ITPR1: variants seen among roughly 807,000 people sequenced by gnomAD.
ITPR1 encodes the protein inositol 1,4,5-trisphosphate receptor type 1, also known as inositol 1,4,5-trisphosphate-gated calcium channel ITPR1.
A neutral mutation model predicts 318.4 loss-of-function variants in ITPR1; 96 were observed. The ratio of observed to expected loss-of-function variants is 0.30; its 90% CI spans 0.26 to 0.36. ITPR1 has a LOEUF of 0.36. Ranked by LOEUF, ITPR1 falls within the 10% of genes least tolerant of loss-of-function variation. The probability of loss-of-function intolerance (pLI) is 1.00; values close to 1 mark genes in which losing one functional copy is unlikely to be tolerated. For synonymous variants in ITPR1, 1,312 were observed against 1,289.9 expected (o/e 1.02, Z -0.37); for missense variants, 2,440 against 3,460.2 (o/e 0.71, Z 7.40).
chr3:4,660,562 G>A (rs1443544723), intron 13 of ITPR1, among the ~76,000 whole-genome samples: 1 of 151,794 alleles, frequency 6.6e-6, no homozygotes, highest in East Asian at 1.9e-4. Context: ...TGCAAGATTA[G>A]TAAATACTCA....
At chr3:4,550,005 CCT>C (rs780248305) in intron 4 of ITPR1, among the ~76,000 whole-genome samples, 10 of 152,186 alleles carry the variant, frequency 6.6e-5, no homozygotes, top group Non-Finnish European at 8.8e-5. Flanking sequence ...CCCTTCAATG[CCT>C]CTGTTTTCTT....
chr3:4,669,257 C>T (rs559035771), intron 18 of ITPR1, among the ~76,000 whole-genome samples: 83 of 152,294 alleles, frequency 5.4e-4, no homozygotes, highest in Non-Finnish European at 1.0e-3. Context: ...CCCAAATGAA[C>T]GCTCCATAGC....
chr3:4,580,581 G>C (rs1408822095), intron 4 of ITPR1, among the ~76,000 whole-genome samples: 1 of 151,990 alleles, frequency 6.6e-6, no homozygotes, highest in Non-Finnish European at 1.5e-5. Context: ...TGCTGTGCCT[G>C]TGTCCTGCAG....
At chr3:4,831,631 T>C (rs1360063567) in intron 60 of ITPR1, among the ~76,000 whole-genome samples, 2 of 152,186 alleles carry the variant, frequency 1.3e-5, no homozygotes, top group African/African-American at 2.4e-5. Context: ...TGAAGATGAC[T>C]TTTCCAAAAA....
chr3:4,825,898 G>T (rs2050042723), intron 60 of ITPR1: 1 of 407,610 alleles, frequency 2.5e-6, no homozygotes, highest in Admixed American at 3.0e-5. Context: ...AAGGACCTAG[G>T]TTTGGGGGAA....
chr3:4,547,677 A>T (rs2085156268), intron 4 of ITPR1, among the ~76,000 whole-genome samples: 1 of 152,220 alleles, frequency 6.6e-6, no homozygotes, highest in South Asian at 2.1e-4. Flanking sequence ...ATCTGTTAGG[A>T]GTCTCGTAGG....
chr3:4,670,987 T>C lies in ITPR1; in HGVS notation c.2204+61T>C. 4 of 1,228,706 alleles carry C rather than the reference T, an allele frequency of 3.3e-6. No homozygotes were observed. The East Asian group carries it at 1.0e-4, about 32-fold the overall frequency. 76.1% of individuals were successfully genotyped at this position (1,228,706 alleles called of 1,614,324 possible). A position where few individuals can be genotyped will look rare whatever the true frequency, so the allele number is the denominator to read the frequency against. The stretch of plus-strand genomic sequence containing the variant: ...CCCCAAAACAGTGGCACTTAGGAAT[T>C]TGTTGCTCGTTTGTTGATTACTTCA... On this transcript the variant is annotated intron_variant, in intron 20 of 61. Transcript: ENST00000649015.
Position 4,665,310 on chromosome 3 carries a change from A to G in ITPR1, c.1713+14A>G, listed in dbSNP as rs765978572. On this transcript the variant is annotated intron_variant, in intron 17 of 61. Transcript: ENST00000649015. ...AGGAAGAACCAGGTTTGGATTAAGC[A>G]TTGGTGGGATGTGGTTGTCAGTTTC... 5.6e-6 allele frequency: 9 copies of G among 1,596,972 alleles called. No homozygotes were observed. The Middle Eastern group carries it at 5.0e-4, about 88-fold the overall frequency.
At chr3:4,727,770 C>A (rs1023027451) in intron 42 of ITPR1, among the ~76,000 whole-genome samples, 2 of 152,126 alleles carry the variant, frequency 1.3e-5, no homozygotes, top group African/African-American at 2.4e-5. Flanking sequence ...GAGACAGAGT[C>A]TTGCTATGTT....
chr3:4,549,988 G>T (rs2085396702), intron 4 of ITPR1, among the ~76,000 whole-genome samples: 1 of 152,194 alleles, frequency 6.6e-6, no homozygotes, highest in African/African-American at 2.4e-5. Flanking sequence ...TTTTCTTCTT[G>T]AGACAACCCT....
At chr3:4,631,115 T>C (rs1215458208) in intron 5 of ITPR1, among the ~76,000 whole-genome samples, 1 of 152,246 alleles carries the variant, frequency 6.6e-6, no homozygotes, top group Non-Finnish European at 1.5e-5. Context: ...CCTCGATGAA[T>C]GAAGAGATGT....
At chr3:4,506,042 C>A (rs983983735) in intron 2 of ITPR1, among the ~76,000 whole-genome samples, 3 of 152,166 alleles carry the variant, frequency 2.0e-5, no homozygotes, top group Admixed American at 6.5e-5. Context: ...CCCCCTTTCT[C>A]TGTGCTAAGT....
intron 44 of ITPR1, among the ~76,000 whole-genome samples, chr3:4,741,168 G>A (rs2043677842): frequency 6.6e-6 from 1 of 152,176 alleles, no homozygotes; most frequent in East Asian, 1.9e-4. Flanking sequence ...TACCTGGAAT[G>A]AAGAGGAGGA....
At chr3:4,672,685 A>C (rs1440386648) in intron 20 of ITPR1, among the ~76,000 whole-genome samples, 1 of 152,218 alleles carries the variant, frequency 6.6e-6, no homozygotes, top group Non-Finnish European at 1.5e-5. Flanking sequence ...ACATGATATA[A>C]GATCTTTAAA....
chr3:4,697,643 G>C (rs550168304), intron 34 of ITPR1, among the ~76,000 whole-genome samples: 1 of 151,684 alleles, frequency 6.6e-6, no homozygotes, highest in African/African-American at 2.4e-5. Flanking sequence ...GTAGAAACAG[G>C]GTTTCATCAT....
At position 4,693,767 on chromosome 3, in the gene ITPR1, C is replaced by T. The variant is rs769326529; in HGVS notation, c.4281+26C>T. 3.8e-6 allele frequency: 6 copies of T among 1,596,300 alleles called. No homozygotes were observed. The African/African-American group carries it at 8.0e-5, about 21-fold the overall frequency. Reference sequence around the variant, plus strand: ...GTGAGCGAGCCCAGCCTGGCTGTGCCCTTCTCGTTGCTATGTGGTGTGTGC... The same window carrying T: ...GTGAGCGAGCCCAGCCTGGCTGTGCTCTTCTCGTTGCTATGTGGTGTGTGC... On this transcript the variant is annotated intron_variant, in intron 33 of 61. Coordinates refer to ENST00000649015, the MANE Select transcript of ITPR1 (RefSeq NM_001378452.1).
chr3:4,542,414 A>G (rs1254370297), intron 4 of ITPR1, among the ~76,000 whole-genome samples: 1 of 152,076 alleles, frequency 6.6e-6, no homozygotes, highest in East Asian at 1.9e-4. Context: ...GATGCTGCCA[A>G]CTCAAGACTA....
chr3:4,763,383 C>A (rs1046541166), intron 44 of ITPR1, among the ~76,000 whole-genome samples: 6 of 152,040 alleles, frequency 3.9e-5, no homozygotes, highest in African/African-American at 1.5e-4. Context: ...CTAAAAATTA[C>A]TTGAACAGAA....
rs369911337 is a variant in ITPR1 at position 4,662,272 on chromosome 3, G to A, written c.1412+30G>A. The A allele has an allele frequency of 1.8e-5, 28 of 1,523,886 alleles. No individual in the cohort carries two copies. The African/African-American group carries it at 2.1e-4, about 11-fold the overall frequency. The allele number at this position is 1,523,886 out of a possible 1,614,324, so 94.4% of individuals were successfully genotyped here. On this transcript the variant is annotated intron_variant, in intron 15 of 61. Transcript: ENST00000649015. ...GCACTCCCGCATGCTCAGCACAGCC[G>A]CCCTCCCGCACTGAGAGTTTCTGAC...
Sources: allele counts gnomAD v4.1 joint callset (sites outside exome capture counted in the v4.1 genomes callset), GRCh38; gene constraint gnomAD v4.1.1; transcripts MANE v1.5; gene names NCBI Gene and HGNC (gene_info 2026-07-23, HGNC 2026-07-21).